Variants in STIM1 observed in about 807,000 individuals in gnomAD.
The protein encoded by STIM1 is stromal interaction molecule 1.
In STIM1, 25 loss-of-function variants were observed where a neutral mutation model predicts 74.7. The ratio of observed to expected loss-of-function variants is 0.33; its 90% CI spans 0.24 to 0.47. The LOEUF is 0.47. STIM1 is among the 20% of genes least tolerant of loss of function. The probability of loss-of-function intolerance (pLI) is 1.00; values close to 1 mark genes in which losing one functional copy is unlikely to be tolerated. For missense variants in STIM1, 728 were observed against 920.8 expected, an observed-to-expected ratio of 0.79 and a Z score of 2.71; for synonymous variants, 328 against 348.8, an observed-to-expected ratio of 0.94 and a Z score of 0.66.
rs560440797 is a variant in STIM1, at chr11:3,965,938, C to T, written c.140-1614C>T. Among the ~76,000 whole-genome samples the T allele has an allele frequency of 5.9e-5, 9 of 152,244 alleles. No individual in the cohort carries two copies. In the South Asian group the frequency reaches 1.5e-3, roughly 25 times the overall value. ...AGGAGAATTGCTTGAGCCCAGGGAA[C>T]GAAGGTTGCAGTGAGCAGAGATCAT... On this transcript the variant is annotated intron_variant, in intron 1 of 12. Transcript: ENST00000526596.
intron 1 of STIM1, among the ~76,000 whole-genome samples, chr11:3,877,467 C>A (rs1488966011): frequency 6.6e-6 from 1 of 152,124 alleles, no homozygotes; most frequent in Admixed American, 6.5e-5. Flanking sequence ...AGCTGATTTG[C>A]ATGGGCTTTT....
chr11:3,987,632 T>C (rs1431876373), intron 2 of STIM1, among the ~76,000 whole-genome samples: 2 of 152,204 alleles, frequency 1.3e-5, no homozygotes, highest in Non-Finnish European at 2.9e-5. Context: ...CTGTGTGTCC[T>C]TGGATCTCAG....
At chr11:4,053,262 C>G (rs1472301276) in intron 3 of STIM1, among the ~76,000 whole-genome samples, 5 of 152,174 alleles carry the variant, frequency 3.3e-5, no homozygotes, top group Admixed American at 1.3e-4. Context: ...AATCATGCTG[C>G]TATAAAGACA....
At chr11:3,861,210 T>C (rs901168042) in intron 1 of STIM1, among the ~76,000 whole-genome samples, 1 of 151,818 alleles carries the variant, frequency 6.6e-6, no homozygotes, top group Non-Finnish European at 1.5e-5. Flanking sequence ...AAGATTGCAG[T>C]CATGTGTGAT....
At chr11:3,979,472 G>A (rs2093480724) in intron 2 of STIM1, among the ~76,000 whole-genome samples, 1 of 152,064 alleles carries the variant, frequency 6.6e-6, no homozygotes, top group South Asian at 2.1e-4. Flanking sequence ...AAGAGTCAGG[G>A]TCTTGCTCTG....
chr11:3,858,257 T>C (rs1028597610), intron 1 of STIM1, among the ~76,000 whole-genome samples: 6 of 151,894 alleles, frequency 4.0e-5, no homozygotes, highest in African/African-American at 1.5e-4. Context: ...GTTTTTTGTT[T>C]TTCGCCTGAA....
chr11:4,007,037 T>C (rs960477962), intron 2 of STIM1, among the ~76,000 whole-genome samples: 1 of 152,080 alleles, frequency 6.6e-6, no homozygotes, highest in Non-Finnish European at 1.5e-5. Context: ...GAGAGATGTC[T>C]CCCCTCTTCT....
chr11:4,073,868 T>C (rs2094421211), intron 6 of STIM1, among the ~76,000 whole-genome samples: 1 of 152,128 alleles, frequency 6.6e-6, no homozygotes, highest in Admixed American at 6.5e-5. Context: ...TGTTTTGTGC[T>C]TCTGGGAACA....
intron 12 of STIM1, 37 bp downstream of exon 12, chr11:4,086,580 C>T: frequency 6.2e-7 from 1 of 1,613,410 alleles, no homozygotes; most frequent in Non-Finnish European, 8.5e-7. Flanking sequence ...TCTTGACAAG[C>T]CGGGTATCTC....
chr11:3,974,845 G>A (rs936384515), intron 2 of STIM1, among the ~76,000 whole-genome samples: 1 of 152,042 alleles, frequency 6.6e-6, no homozygotes, highest in African/African-American at 2.4e-5. Context: ...GCAGTGGGAT[G>A]GTACTGTTAG....
intron 5 of STIM1, among the ~76,000 whole-genome samples, chr11:4,061,860 G>A (rs1045011797): frequency 2.0e-5 from 3 of 152,158 alleles, no homozygotes; most frequent in African/African-American, 7.2e-5. Context: ...AAAACATTAT[G>A]CTAAATGAAA....
intron 2 of STIM1, among the ~76,000 whole-genome samples, chr11:3,992,649 T>G (rs2093627237): frequency 6.6e-6 from 1 of 152,212 alleles, no homozygotes; most frequent in Non-Finnish European, 1.5e-5. Context: ...TTTTTTGCTG[T>G]TGTTTCTGCT....
chr11:3,971,388 G>C (rs2093392702), intron 2 of STIM1, among the ~76,000 whole-genome samples: 1 of 152,092 alleles, frequency 6.6e-6, no homozygotes, highest in South Asian at 2.1e-4. Flanking sequence ...AATTCTCCGG[G>C]CGTGGTGGCG....
At chr11:3,985,205 C>G (rs889657490) in intron 2 of STIM1, among the ~76,000 whole-genome samples, 32 of 152,122 alleles carry the variant, frequency 2.1e-4, no homozygotes, top group African/African-American at 7.7e-4. Context: ...GTTTTCCTTC[C>G]CCCCTCTTTG....
chr11:3,978,416 G>T (rs113141602), intron 2 of STIM1, among the ~76,000 whole-genome samples: 36,209 of 149,420 alleles, frequency 0.24, 5,509 homozygotes, highest in South Asian at 0.45. Context: ...CCAAAGTGCT[G>T]GGATTACAGG....
chr11:3,936,758 A>T (rs1378556278), intron 1 of STIM1, among the ~76,000 whole-genome samples: 3 of 152,166 alleles, frequency 2.0e-5, no homozygotes, highest in Non-Finnish European at 4.4e-5. Context: ...CAATCCTTTG[A>T]GGAGAGGTTG....
chr11:3,892,712 C>A, intron 1 of STIM1: 2 of 1,613,034 alleles, frequency 1.2e-6, no homozygotes, highest in South Asian at 2.2e-5. Flanking sequence ...ACACATAAAC[C>A]CTGGAATAAT....
At chr11:4,005,498 C>T (rs2093769308) in intron 2 of STIM1, among the ~76,000 whole-genome samples, 1 of 145,552 alleles carries the variant, frequency 6.9e-6, no homozygotes, top group Non-Finnish European at 1.5e-5. Context: ...CCAAACACCG[C>T]ATGTTCTCAC....
chr11:4,032,146 C>T (rs761676046), intron 3 of STIM1, among the ~76,000 whole-genome samples: 4 of 152,150 alleles, frequency 2.6e-5, no homozygotes, highest in African/African-American at 4.8e-5. Flanking sequence ...TTCTTCATTG[C>T]GTTGCCACAC....
Sources: allele counts gnomAD v4.1 joint callset (sites outside exome capture counted in the v4.1 genomes callset), GRCh38; gene constraint gnomAD v4.1.1; transcripts MANE v1.5; gene names NCBI Gene and HGNC (gene_info 2026-07-23, HGNC 2026-07-21).